Variants in SEMA5A observed in about 807,000 individuals in gnomAD.
SEMA5A encodes the protein semaphorin 5A.
In SEMA5A, 55 loss-of-function variants were observed where a neutral mutation model predicts 135.5. The ratio of observed to expected loss-of-function variants is 0.41; its 90% CI spans 0.33 to 0.51. The LOEUF (loss-of-function observed/expected upper bound fraction) is 0.51, where lower values mean the gene tolerates loss of function less well. Ranked by LOEUF, SEMA5A falls within the 20% of genes least tolerant of loss-of-function variation. SEMA5A has a pLI of 0.37. For missense variants in SEMA5A, 1,290 were observed against 1,419.9 expected (o/e 0.91, Z 1.47); for synonymous variants, 580 against 546.5 (o/e 1.06, Z -0.85).
intron 16 of SEMA5A, among the ~76,000 whole-genome samples, chr5:9,102,930 C>T (rs1739708171): frequency 6.6e-6 from 1 of 152,202 alleles, no homozygotes; most frequent in Non-Finnish European, 1.5e-5. Flanking sequence ...ACATACATCA[C>T]TGGCCAGAGG....
intron 16 of SEMA5A, among the ~76,000 whole-genome samples, chr5:9,075,622 G>T (rs1375499502): frequency 6.6e-6 from 1 of 151,454 alleles, no homozygotes; most frequent in East Asian, 1.9e-4. Flanking sequence ...GAAAACTAAT[G>T]CATAGAGACA....
At chr5:9,208,960 C>G (rs1207882508) in intron 8 of SEMA5A, among the ~76,000 whole-genome samples, 1 of 152,154 alleles carries the variant, frequency 6.6e-6, no homozygotes, top group Non-Finnish European at 1.5e-5. Context: ...AAGACCCTTG[C>G]AGTAGGAGTG....
chr5:9,421,556 T>C (rs1238894220), intron 2 of SEMA5A, among the ~76,000 whole-genome samples: 2 of 152,230 alleles, frequency 1.3e-5, no homozygotes, highest in African/African-American at 2.4e-5. Flanking sequence ...GGGGTTGTAA[T>C]ACTGGGTGAA....
chr5:9,384,868 T>C (rs1251712925), intron 2 of SEMA5A, among the ~76,000 whole-genome samples: 1 of 152,184 alleles, frequency 6.6e-6, no homozygotes, highest in African/African-American at 2.4e-5. Flanking sequence ...ACTAAATTTG[T>C]GTTGAGTCAT....
intron 3 of SEMA5A, among the ~76,000 whole-genome samples, chr5:9,379,113 A>G (rs1392587186): frequency 6.6e-6 from 1 of 152,074 alleles, no homozygotes; most frequent in Non-Finnish European, 1.5e-5. Context: ...AGATATTTGA[A>G]AGTGTTTGAT....
chr5:9,209,151 T>C (rs577122402), intron 8 of SEMA5A, among the ~76,000 whole-genome samples: 1 of 152,290 alleles, frequency 6.6e-6, no homozygotes, highest in African/African-American at 2.4e-5. Context: ...AGTCCAAAAC[T>C]CACACCTACA....
intron 2 of SEMA5A, among the ~76,000 whole-genome samples, chr5:9,380,735 G>T (rs1410662540): frequency 1.3e-5 from 2 of 152,188 alleles, no homozygotes; most frequent in Non-Finnish European, 2.9e-5. Context: ...AAGCATTAAA[G>T]TAATACAGGC....
At chr5:9,327,448 A>G (rs1392686236) in intron 4 of SEMA5A, among the ~76,000 whole-genome samples, 1 of 152,176 alleles carries the variant, frequency 6.6e-6, no homozygotes, top group Non-Finnish European at 1.5e-5. Context: ...GAGCTCCTTA[A>G]AAGTCTTGGT....
At chr5:9,339,579 A>C (rs1008773432) in intron 3 of SEMA5A, among the ~76,000 whole-genome samples, 1 of 152,228 alleles carries the variant, frequency 6.6e-6, no homozygotes. Flanking sequence ...AAGTGAGTTC[A>C]AGAGAGAAAT....
At chr5:9,135,027 C>T (rs4702608) in intron 13 of SEMA5A, among the ~76,000 whole-genome samples, 9,479 of 152,212 alleles carry the variant, frequency 0.062, 448 homozygotes, top group Non-Finnish European at 0.094. Flanking sequence ...GCTAATCCTA[C>T]TAGGAAGCTG....
At chr5:9,489,333 C>T (rs1378723657) in intron 1 of SEMA5A, among the ~76,000 whole-genome samples, 2 of 152,098 alleles carry the variant, frequency 1.3e-5, no homozygotes, top group Non-Finnish European at 2.9e-5. Context: ...TAAGGGTTTC[C>T]TTCCATCTAA....
At chr5:9,540,315 C>A (rs939151029) in intron 1 of SEMA5A, among the ~76,000 whole-genome samples, 12 of 152,092 alleles carry the variant, frequency 7.9e-5, no homozygotes, top group Non-Finnish European at 4.4e-5. Context: ...GAAGGCCGGG[C>A]GCGGTGGCTC....
Position 9,066,489 on chromosome 5 carries a change from T to G in SEMA5A, c.2231A>C (p.Glu744Ala), listed in dbSNP as rs779514260. ...KARLADPNLL[E>A]VGRQRIEMRY... ...CATTTCGATTCTCTGTCTTCCCACT[T>G]CCAGCAAATTCGGATCAGCCAGGCG... Residue 744 changes from glutamate (E) to alanine (A), a missense_variant, in exon 17 of 23, where the codon GAA (glutamate) becomes GCA (alanine). Coordinates refer to ENST00000382496, the MANE Select transcript of SEMA5A (RefSeq NM_003966.3). 8.7e-6 allele frequency: 14 copies of G among 1,614,052 alleles called. No homozygotes were observed. The African/African-American group carries it at 1.7e-4, about 20-fold the overall frequency.
intron 16 of SEMA5A, among the ~76,000 whole-genome samples, chr5:9,078,766 A>G (rs1419226112): frequency 6.6e-6 from 1 of 152,194 alleles, no homozygotes; most frequent in Non-Finnish European, 1.5e-5. Context: ...AAATAAAATT[A>G]GAATAATAGA....
intron 3 of SEMA5A, among the ~76,000 whole-genome samples, chr5:9,353,359 A>AAAGGAAAGGAAAGGG (rs1561177947): frequency 8.5e-4 from 86 of 100,912 alleles, no homozygotes; most frequent in Non-Finnish European, 1.7e-3. Context: ...AAAGGGAAGG[A>AAAGGAAAGGAAAGGG]AAGGAAAGGA....
At chr5:9,268,935 A>T (rs1459935648) in intron 5 of SEMA5A, among the ~76,000 whole-genome samples, 1 of 152,130 alleles carries the variant, frequency 6.6e-6, no homozygotes, top group African/African-American at 2.4e-5. Flanking sequence ...AGAAATGATG[A>T]CAATTTCCAG....
chr5:9,213,170 C>T (rs1434478473), intron 8 of SEMA5A, among the ~76,000 whole-genome samples: 2 of 152,162 alleles, frequency 1.3e-5, no homozygotes, highest in South Asian at 2.1e-4. Flanking sequence ...TGCCTCACCT[C>T]GTAATACCAT....
chr5:9,342,040 A>G (rs1753676434), intron 3 of SEMA5A, among the ~76,000 whole-genome samples: 3 of 152,132 alleles, frequency 2.0e-5, no homozygotes, highest in Admixed American at 2.0e-4. Flanking sequence ...GACAAATATA[A>G]CTAGAGATAA....
chr5:9,514,260 T>C (rs1736381888), intron 1 of SEMA5A, among the ~76,000 whole-genome samples: 1 of 152,218 alleles, frequency 6.6e-6, no homozygotes, highest in Non-Finnish European at 1.5e-5. Context: ...AAGACCCACA[T>C]GGACAATGCA....
Sources: allele counts gnomAD v4.1 joint callset (sites outside exome capture counted in the v4.1 genomes callset), GRCh38; gene constraint gnomAD v4.1.1; transcripts MANE v1.5; gene names NCBI Gene and HGNC (gene_info 2026-07-23, HGNC 2026-07-21).